The following SYT14 variants were observed in gnomAD, a reference collection of about 807,000 sequenced individuals.
SYT14 encodes synaptotagmin 14.
SYT14 carries 32 observed loss-of-function variants against 74.2 expected under a neutral mutation model. The ratio of observed to expected loss-of-function variants is 0.43; its 90% CI spans 0.33 to 0.58. SYT14 has a LOEUF of 0.58. SYT14 is among the 20% of genes least tolerant of loss of function. The probability of loss-of-function intolerance (pLI) is 0.05; values close to 1 mark genes in which losing one functional copy is unlikely to be tolerated. For missense variants in SYT14, 791 were observed against 981.8 expected, an observed-to-expected ratio of 0.81 and a Z score of 2.60; for synonymous variants, 298 against 337.7, an observed-to-expected ratio of 0.88 and a Z score of 1.29.
At chr1:210,090,747 T>C (rs948392765) in intron 5 of SYT14, among the ~76,000 whole-genome samples, 2 of 152,098 alleles carry the variant, frequency 1.3e-5, no homozygotes, top group African/African-American at 4.8e-5. Context: ...ACAATAATAA[T>C]ATAAATTTTG....
At chr1:210,000,044 A>T (rs1039903398) in intron 2 of SYT14, among the ~76,000 whole-genome samples, 12 of 152,188 alleles carry the variant, frequency 7.9e-5, no homozygotes, top group African/African-American at 2.9e-4. Context: ...TTATGTATTA[A>T]TAAAAATGTT....
intron 5 of SYT14, among the ~76,000 whole-genome samples, chr1:210,082,555 C>T (rs566027043): frequency 6.6e-6 from 1 of 152,166 alleles, no homozygotes; most frequent in Admixed American, 6.5e-5. Flanking sequence ...CAAGAGAAAA[C>T]AGGCATAACT....
In SYT14 at chr1:210,011,718, G is replaced by A. The variant is rs542479783; in HGVS notation, c.-485-1915G>A. On this transcript the variant is annotated intron_variant, in intron 2 of 9. Coordinates refer to ENST00000637265, the Ensembl canonical transcript of SYT14. ...ATGAGTTAAGATACTATTTGCCATC[G>A]CCCTCTGATTTAAGGAAGAATCTTA... 7.2e-5 allele frequency among the ~76,000 whole-genome samples: 11 copies of A among 152,216 alleles called. No individual in the cohort carries two copies. In the East Asian group the frequency reaches 9.7e-4, roughly 13 times the overall value.
chr1:209,972,738 A>C (rs1463727668), intron 2 of SYT14, among the ~76,000 whole-genome samples: 2 of 151,964 alleles, frequency 1.3e-5, no homozygotes, highest in Non-Finnish European at 2.9e-5. Context: ...AGTTTTTTTG[A>C]ATTTATTGAG....
intron 1 of SYT14, among the ~76,000 whole-genome samples, chr1:209,939,090 A>G (rs1489637864): frequency 6.6e-6 from 1 of 152,232 alleles, no homozygotes; most frequent in African/African-American, 2.4e-5. Flanking sequence ...CTCTTGTTCC[A>G]GAAACATGTA....
rs1056036347 is a variant in SYT14 at position 210,111,425 on chromosome 1, A to G, written c.2034+10964A>G. Among the ~76,000 whole-genome samples the G allele has an allele frequency of 5.7e-4, 86 of 150,566 alleles. 4 individuals are homozygous for G. Among genetic ancestry groups the G allele is most frequent in the African/African-American group, 2.1e-3 (82 of 39,896 alleles). On this transcript the variant is annotated intron_variant, in intron 7 of 9. Transcript: ENST00000637265. ...TACTTCAGGCCATCTGGATGTATAC[A>G]TGCAGGCTTGGGCCCAGAGGCCTGA...
chr1:209,976,959 A>G (rs1205045092), intron 2 of SYT14, among the ~76,000 whole-genome samples: 1 of 152,094 alleles, frequency 6.6e-6, no homozygotes, highest in African/African-American at 2.4e-5. Flanking sequence ...CCATTATGTA[A>G]TGGCCTTCTT....
At chr1:210,153,734 C>T (rs2083214311) in intron 7 of SYT14, among the ~76,000 whole-genome samples, 1 of 152,068 alleles carries the variant, frequency 6.6e-6, no homozygotes, top group South Asian at 2.1e-4. Context: ...CTTTTTATTT[C>T]ATTTTATTGT....
intron 5 of SYT14, among the ~76,000 whole-genome samples, chr1:210,086,980 G>A (rs901943402): frequency 6.6e-6 from 1 of 152,018 alleles, no homozygotes; most frequent in Non-Finnish European, 1.5e-5. Context: ...CCATCTCCCT[G>A]CACACATGCC....
intron 7 of SYT14, among the ~76,000 whole-genome samples, chr1:210,103,860 G>A (rs754799599): frequency 4.6e-5 from 7 of 152,150 alleles, no homozygotes; most frequent in Non-Finnish European, 7.3e-5. Flanking sequence ...TTTTGTATGC[G>A]TGATATGACA....
chr1:210,151,507 C>CG lies in SYT14; in HGVS notation c.2035-4214_2035-4213insG, dbSNP rs143011999. 8.5e-3 allele frequency among the ~76,000 whole-genome samples: 1,150 copies of CG among 135,702 alleles called. 16 individuals carry two copies. The highest frequency in any genetic ancestry group is 0.035 in the African/African-American group (1,087 of 31,414). 89.0% of individuals were successfully genotyped at this position (135,702 alleles called of 152,430 possible). ...GTAGCTGAAATTATAGGCGAATGCC[C>CG]CCCCCCTTTTTTTTTTTTTTAACTA... On this transcript the variant is annotated intron_variant, in intron 7 of 9. Coordinates refer to ENST00000637265, the Ensembl canonical transcript of SYT14.
intron 5 of SYT14, among the ~76,000 whole-genome samples, chr1:210,087,305 C>G (rs1558180407): frequency 6.6e-6 from 1 of 152,188 alleles, no homozygotes; most frequent in South Asian, 2.1e-4. Context: ...GCACACCTTA[C>G]CCTGCTCAGG....
At chr1:209,967,239 T>G (rs1281162772) in intron 2 of SYT14, among the ~76,000 whole-genome samples, 2 of 152,136 alleles carry the variant, frequency 1.3e-5, no homozygotes, top group African/African-American at 4.8e-5. Flanking sequence ...AGACTTTTCG[T>G]GTGTCAGTAG....
intron 2 of SYT14, among the ~76,000 whole-genome samples, chr1:209,968,784 G>A (rs1052381754): frequency 1.3e-5 from 2 of 151,220 alleles, no homozygotes; most frequent in African/African-American, 4.9e-5. Context: ...ACATGTGCAG[G>A]TTTGTTAAAT....
chr1:209,940,891 T>A (rs1011218430), intron 1 of SYT14, among the ~76,000 whole-genome samples: 2 of 152,198 alleles, frequency 1.3e-5, no homozygotes, highest in African/African-American at 4.8e-5. Context: ...GTTATACCAC[T>A]CCTTCACTTA....
intron 5 of SYT14, among the ~76,000 whole-genome samples, chr1:210,075,093 G>A (rs768660148): frequency 5.9e-5 from 9 of 152,154 alleles, no homozygotes; most frequent in Non-Finnish European, 1.3e-4. Context: ...CCTGGAGTCC[G>A]ACCGCTCAGC....
At chr1:210,024,772 G>A (rs1034470296) in intron 5 of SYT14, among the ~76,000 whole-genome samples, 8 of 152,078 alleles carry the variant, frequency 5.3e-5, no homozygotes, top group African/African-American at 1.7e-4. Flanking sequence ...GAGAATTAAG[G>A]GCATCATGTA....
chr1:209,981,450 C>CTTTTTTTTTTTTTTTTTTTTTCT (rs1183885685), intron 2 of SYT14, among the ~76,000 whole-genome samples: 1 of 99,048 alleles, frequency 1.0e-5, no homozygotes, highest in African/African-American at 4.0e-5. Flanking sequence ...TTTTTCTTTT[C>CTTTTTTTTTTTTTTTTTTTTTCT]TTTTTTTTTT....
At chr1:210,050,909 C>A (rs1488892275) in intron 5 of SYT14, among the ~76,000 whole-genome samples, 3 of 152,308 alleles carry the variant, frequency 2.0e-5, no homozygotes, top group Non-Finnish European at 4.4e-5. Context: ...CACAGCCAAA[C>A]CATATCAGTC....
Sources: allele counts gnomAD v4.1 joint callset (sites outside exome capture counted in the v4.1 genomes callset), GRCh38; gene constraint gnomAD v4.1.1; transcripts MANE v1.5; gene names NCBI Gene and HGNC (gene_info 2026-07-23, HGNC 2026-07-21).